MYH3: variants seen among roughly 807,000 people sequenced by gnomAD.
MYH3 encodes myosin-3.
Under a neutral mutation model 238.0 loss-of-function variants are expected in MYH3, and 130 were observed. The ratio of observed to expected loss-of-function variants is 0.55; its 90% confidence interval spans 0.47 to 0.63. MYH3 has a LOEUF of 0.63. Among genes scored for constraint, MYH3 ranks in the 30% least tolerant of loss-of-function variants. MYH3 has a pLI of 0.00. For synonymous variants in MYH3, 880 were observed against 924.1 expected, an observed-to-expected ratio of 0.95 and a Z score of 0.86; for missense variants, 1,853 against 2,374.9, an observed-to-expected ratio of 0.78 and a Z score of 4.57.
chr17:10,654,777 G>T lies in MYH3; in HGVS notation c.204+84C>A. On this transcript the variant is annotated intron_variant, in intron 3 of 40. Transcript: ENST00000583535. This position sits in a 1 kb window ranked among gnomAD's most constrained non-coding sequence, Gnocchi z 4.5. ...AGTGCTGGAACCACATCTGGAAGTG[G>T]CTGGGGTTGGGCAGATGCATACCCC... 1 of 1,255,458 alleles carries T rather than the reference G, an allele frequency of 8.0e-7. No homozygotes were observed. Among genetic ancestry groups the T allele is most frequent in the Non-Finnish European group, 1.2e-6 (1 of 852,742 alleles). The allele number at this position is 1,255,458 out of a possible 1,614,324, so 77.8% of individuals were successfully genotyped here.
At chr17:10,671,027 A>G in the MYH3 span, among the ~76,000 whole-genome samples, 1 of 152,088 alleles carries the variant, frequency 6.6e-6, no homozygotes, top group African/African-American at 2.4e-5. Flanking sequence ...AGTAGCTGGG[A>G]CTACAGGCAC....
At chr17:10,656,037 C>T (rs982959564) in intron 2 of MYH3, 53 bp downstream of exon 2, 1 of 152,314 alleles carries the variant, frequency 6.6e-6, no homozygotes, top group Admixed American at 6.5e-5. Flanking sequence ...AACTGGCAAG[C>T]TTGGATTGCC....
Position 10,634,874 on chromosome 17 carries a change from G to T in MYH3, c.4322C>A (p.Ala1441Asp). The change falls in exon 31 of 41, where the codon GCC becomes GAC. Residue 1441 changes from alanine to aspartate, a missense_variant. By Grantham distance (126) the Ala-to-Asp change is moderately radical. Coordinates refer to ENST00000583535, the MANE Select transcript of MYH3 (RefSeq NM_002470.4). Reference sequence around the variant, plus strand: ...GTTCCTCTGCTTCTTGTCCAGAGCGGCGGCCAAGGAATTGGCTCTTTCAAC... The same window carrying T: ...GTTCCTCTGCTTCTTGTCCAGAGCGTCGGCCAAGGAATTGGCTCTTTCAAC... ...VDVERANSLA[A>D]ALDKKQRNFD... 1 of 1,614,106 alleles carries T rather than the reference G, an allele frequency of 6.2e-7. No individual in the cohort carries two copies. Among genetic ancestry groups the T allele is most frequent in the Non-Finnish European group, 8.5e-7 (1 of 1,180,026 alleles).
Position 10,634,920 on chromosome 17 carries a change from C to T in MYH3, c.4276G>A (p.Val1426Met). 6.2e-7 allele frequency: 1 copy of T among 1,614,138 alleles called. No homozygotes were observed. The highest frequency in any genetic ancestry group is 8.5e-7 in the Non-Finnish European group (1 of 1,180,036). Residue 1426 changes from valine to methionine, a missense_variant, in exon 31 of 41, where the codon GTG becomes ATG. This residue lies in a region of MYH3 where 1,044 missense variants were observed against 1,192.6 expected (regional missense o/e 0.88). Transcript: ENST00000583535. ...EKTKQRLQGE[V>M]EDLMVDVERA... ...TCAACATCAACCATCAGATCCTCCA[C>T]CTCTCCTTGCAGCCTCTGCTTGGTC...
rs988698040 is a variant in MYH3 at position 10,648,584 on chromosome 17, A to G, written c.708T>C (p.Thr236=). The G allele has an allele frequency of 2.5e-6, 4 of 1,613,996 alleles. No homozygotes were observed. Among genetic ancestry groups the G allele is most frequent in the Non-Finnish European group, 3.4e-6 (4 of 1,179,984 alleles). Residue 236 remains threonine (T), a synonymous_variant, in exon 8 of 41, where the codon ACT becomes ACC. Coordinates refer to ENST00000583535, the MANE Select transcript of MYH3 (RefSeq NM_002470.4). ...PLLEAFGNAK[T]VRNDNSSRFG... Reference sequence around the variant, plus strand: ...AACGGGAGGAGTTGTCATTCCTCACAGTCTTGGCGTTCCCAAAGGCCTCCA... The same window carrying G: ...AACGGGAGGAGTTGTCATTCCTCACGGTCTTGGCGTTCCCAAAGGCCTCCA...
In MYH3 at chr17:10,644,686, G is replaced by A; in HGVS notation, c.1158C>T (p.Ala386=). 1 of 1,613,660 alleles carries A rather than the reference G, an allele frequency of 6.2e-7. No homozygotes were observed. Among genetic ancestry groups the A allele is most frequent in the Non-Finnish European group, 8.5e-7 (1 of 1,179,834 alleles). The part of the protein sequence containing the change: ...PDGTEVADKT[A]YLMGLNSSDL... ...CCGAAGAGTTCAGGCCCATCAGATA[G>A]GCTGTTTTGTCAGCCACTGGCAAGA... The change falls in exon 13 of 41, where the codon GCC becomes GCT. Residue 386 remains alanine, a synonymous_variant. Transcript: ENST00000583535.
chr17:10,638,673 A>T (rs1371777318), intron 26 of MYH3, among the ~76,000 whole-genome samples, 200 bp downstream of exon 26: 1 of 152,246 alleles, frequency 6.6e-6, no homozygotes, highest in African/African-American at 2.4e-5. Context: ...TAACTTAAAT[A>T]CTTTAATTAT....
chr17:10,649,233 G>A (rs1029896756), intron 7 of MYH3, among the ~76,000 whole-genome samples: 4 of 152,176 alleles, frequency 2.6e-5, no homozygotes, highest in African/African-American at 9.7e-5. Context: ...ATTTCATGCT[G>A]CTGTAATACA....
At chr17:10,662,040 T>TTTG (rs758043973), upstream of MYH3, among the ~76,000 whole-genome samples, 79 of 151,522 alleles carry the variant, frequency 5.2e-4, no homozygotes, top group African/African-American at 1.7e-3. Flanking sequence ...TTTTTTTTTT[T>TTTG]AGACAGGGTC....
intron 5 of MYH3, among the ~76,000 whole-genome samples, 162 bp downstream of exon 5, chr17:10,651,350 G>A (rs1487622170): frequency 6.6e-6 from 1 of 152,104 alleles, no homozygotes; most frequent in Non-Finnish European, 1.5e-5. Context: ...TGGCATGCGG[G>A]GCCCTACATG....
chr17:10,649,696 T>C lies in MYH3; in HGVS notation c.534-11A>G. On this transcript the variant is annotated splice_polypyrimidine_tract_variant and intron_variant, in intron 6 of 40. Coordinates refer to ENST00000583535, the MANE Select transcript of MYH3 (RefSeq NM_002470.4). ...GCCCCGGATTCTCCGCTGTACAGAGTGATCAAAAGAGAGAGAAAGAAACAA... is the reference window on the plus strand; with the variant it reads ...GCCCCGGATTCTCCGCTGTACAGAGCGATCAAAAGAGAGAGAAAGAAACAA... 1 of 1,611,734 alleles carries C rather than the reference T, an allele frequency of 6.2e-7. No homozygotes were observed. The highest frequency in any genetic ancestry group is 8.5e-7 in the Non-Finnish European group (1 of 1,177,814).
intron 36 of MYH3, among the ~76,000 whole-genome samples, chr17:10,631,073 C>T (rs189823672): frequency 8.5e-4 from 130 of 152,306 alleles, no homozygotes; most frequent in African/African-American, 3.0e-3. Flanking sequence ...ATTCTTTTTT[C>T]ATTACCACCA....
chr17:10,644,971 A>G (rs1397769770), intron 12 of MYH3, among the ~76,000 whole-genome samples: 2 of 152,162 alleles, frequency 1.3e-5, no homozygotes, highest in African/African-American at 4.8e-5. Context: ...GAGTGGTAAC[A>G]ATAGCTATGG....
intron 28 of MYH3, among the ~76,000 whole-genome samples, chr17:10,637,008 G>A (rs1349191883): frequency 1.3e-5 from 2 of 151,972 alleles, no homozygotes; most frequent in African/African-American, 4.8e-5. Flanking sequence ...GGATGCACCA[G>A]GGCTGGGTGA....
chr17:10,630,229 C>T (rs758590831), intron 37 of MYH3, 33 bp from the exon 38 acceptor site: 2 of 1,614,066 alleles, frequency 1.2e-6, no homozygotes, highest in Middle Eastern at 1.6e-4. Context: ...TAGTCTGGGG[C>T]TGCAGCGTGA....
rs762792358 is a variant in MYH3, at chr17:10,638,313, C to G, written c.3459G>C (p.Glu1153Asp). Residue 1153 changes from glutamate (E) to aspartate (D), a missense_variant, in exon 27 of 41, where the codon GAG becomes GAC. Around this residue, in one of 3 missense-constraint regions of MYH3, gnomAD observed 1,044 missense variants for 1,192.6 expected, o/e 0.88. Transcript: ENST00000583535. ...TCTGCGTGGAGGTGACGCCTCCCGC[C>G]TCCTCCAGCCGCTCGCTCAGCTCCT... ...ELEELSERLE[E>D]AGGVTSTQIE... The G allele has an allele frequency of 2.5e-6, 4 of 1,612,960 alleles. No homozygotes were observed. Among genetic ancestry groups the G allele is most frequent in the Non-Finnish European group, 2.5e-6 (3 of 1,179,994 alleles).
chr17:10,650,384 T>A lies in MYH3; in HGVS notation c.523A>T (p.Ile175Phe), dbSNP rs748140522. Residue 175 changes from isoleucine (I) to phenylalanine (F), a missense_variant, in exon 6 of 41, where the codon ATT becomes TTT. Physicochemically the swap from Ile to Phe is conservative, Grantham distance 21. This residue lies in a region of MYH3 where 678 missense variants were observed against 1,058.9 expected (regional missense o/e 0.64). Coordinates refer to ENST00000583535, the MANE Select transcript of MYH3 (RefSeq NM_002470.4). ...GCCATGGATACTTACGTGATCAGAA[T>A]GGACTGGTTTTCACGATCTGCCAGA... ...FMLTDRENQS[I>F]LITGESGAGK... 6.2e-7 allele frequency: 1 copy of A among 1,612,726 alleles called. No individual in the cohort carries two copies. Among genetic ancestry groups the A allele is most frequent in the Non-Finnish European group, 8.5e-7 (1 of 1,178,912 alleles).
rs1488426810 is a variant in MYH3, at chr17:10,635,021, T to C, written c.4175A>G (p.Lys1392Arg). 2 of 1,614,074 alleles carry C rather than the reference T, an allele frequency of 1.2e-6. No individual in the cohort carries two copies. The highest frequency in any genetic ancestry group is 2.2e-5 in the East Asian group (1 of 44,878). The stretch of plus-strand genomic sequence containing the variant: ...ATCTTGAAGGCGCTGAGCAAGTTTT[T>C]TCCTTAAAGAATATGAAAGAGAAGC... Reference protein sequence around the residue: ...QRTEELEEAKKKLAQRLQDSE... With the variant: ...QRTEELEEAKRKLAQRLQDSE... Residue 1392 changes from lysine (K) to arginine (R), a missense_variant and splice_region_variant, in exon 31 of 41, where the codon AAA (lysine) becomes AGA (arginine). Physicochemically the swap from Lys to Arg is conservative, Grantham distance 26. Coordinates refer to ENST00000583535, the MANE Select transcript of MYH3 (RefSeq NM_002470.4).
chr17:10,660,877 C>T (rs1160004871), upstream of MYH3, among the ~76,000 whole-genome samples: 1 of 150,286 alleles, frequency 6.7e-6, no homozygotes, highest in South Asian at 2.1e-4. Context: ...CCCAGCTATT[C>T]GAGAGGCTGA....
Sources: gnomAD v4.1 joint callset for allele counts (sites outside exome capture counted in the v4.1 genomes callset) on GRCh38, gnomAD v4.1.1 for gene constraint, gnomAD v4.1.1 regional missense constraint, Gnocchi (gnomAD v3.1) non-coding constraint, MANE v1.5 for transcripts, NCBI Gene and HGNC (gene_info 2026-07-23, HGNC 2026-07-21) for gene names.